SORBS2: variants seen among roughly 807,000 people sequenced by gnomAD.
SORBS2 encodes the protein sorbin and SH3 domain-containing protein 2.
SORBS2 carries 46 observed loss-of-function variants against 97.7 expected under a neutral mutation model. The observed-to-expected ratio is 0.47, with a 90% confidence interval of 0.37 to 0.60. The LOEUF is 0.60. Ranked by LOEUF, SORBS2 falls within the 20% of genes least tolerant of loss-of-function variation. SORBS2 has a pLI of 0.00. For missense variants in SORBS2, 1,316 were observed against 1,282.3 expected (o/e 1.03, Z -0.40); for synonymous variants, 476 against 473.4 (o/e 1.01, Z -0.07).
At chr4:185,665,536 T>C (rs998656704) in intron 4 of SORBS2, among the ~76,000 whole-genome samples, 1 of 152,226 alleles carries the variant, frequency 6.6e-6, no homozygotes, top group African/African-American at 2.4e-5. Context: ...AATTCTAAAA[T>C]GAATGAAGAG....
At chr4:185,782,796 T>C (rs2099037478) in intron 1 of SORBS2, among the ~76,000 whole-genome samples, 1 of 152,180 alleles carries the variant, frequency 6.6e-6, no homozygotes, top group Non-Finnish European at 1.5e-5. Flanking sequence ...GTTTTGTGTG[T>C]CATACACTGT....
At position 185,752,303 on chromosome 4, in the gene SORBS2, T is replaced by C. The variant is rs139578363; in HGVS notation, c.-198+22924A>G. ...ATTTATTTACTTATATGAGACAGAG[T>C]CTCGCTCTGTCGCCCAGGCTGGAGT... On this transcript the variant is annotated intron_variant, in intron 2 of 20. Transcript: ENST00000284776. Among the ~76,000 whole-genome samples the C allele has an allele frequency of 4.7e-3, 716 of 152,228 alleles. 4 individuals are homozygous for C. Among genetic ancestry groups the C allele is most frequent in the African/African-American group, 0.016 (663 of 41,522 alleles).
chr4:185,916,301 A>C (rs987767464), intron 1 of SORBS2, among the ~76,000 whole-genome samples: 1 of 152,212 alleles, frequency 6.6e-6, no homozygotes, highest in African/African-American at 2.4e-5. Flanking sequence ...TTTTCATCTA[A>C]AAACTATTGT....
At chr4:185,605,623 C>T (rs2153390501) in intron 12 of SORBS2, among the ~76,000 whole-genome samples, 1 of 151,292 alleles carries the variant, frequency 6.6e-6, no homozygotes, top group Admixed American at 6.6e-5. Context: ...CTCGCTCTGT[C>T]ACCCAGGCTG....
intron 13 of SORBS2, chr4:185,591,913 A>C (rs2095949798): frequency 6.6e-6 from 1 of 152,194 alleles, no homozygotes; most frequent in Admixed American, 6.5e-5. Flanking sequence ...AGACCACAGA[A>C]ACAAAAACAA....
At chr4:185,760,349 G>T (rs988800651) in intron 2 of SORBS2, among the ~76,000 whole-genome samples, 1 of 152,158 alleles carries the variant, frequency 6.6e-6, no homozygotes. Context: ...ATCACCTGAG[G>T]TCAGAAGTTC....
chr4:185,668,365 A>G (rs1240070576), intron 4 of SORBS2, among the ~76,000 whole-genome samples: 2 of 152,354 alleles, frequency 1.3e-5, no homozygotes, highest in South Asian at 2.1e-4. Flanking sequence ...ACCTCCTGAC[A>G]TGCTCCTGGT....
chr4:185,920,384 C>G (rs2149918030), intron 1 of SORBS2, among the ~76,000 whole-genome samples: 1 of 152,320 alleles, frequency 6.6e-6, no homozygotes, highest in East Asian at 1.9e-4. Context: ...ATATATTACA[C>G]ATCTCCTCTG....
chr4:185,609,381 G>C (rs2096494112), intron 12 of SORBS2, among the ~76,000 whole-genome samples: 1 of 152,154 alleles, frequency 6.6e-6, no homozygotes. Context: ...AGATGAGAAA[G>C]AAAGATCTTG....
intron 1 of SORBS2, among the ~76,000 whole-genome samples, chr4:185,937,872 C>G (rs992872764): frequency 6.6e-6 from 1 of 152,204 alleles, no homozygotes; most frequent in African/African-American, 2.4e-5. Flanking sequence ...AATTACACAT[C>G]TCTTCAGAGT....
At position 185,857,914 on chromosome 4, in the gene SORBS2, C is replaced by G. The variant is rs922597376; in HGVS notation, c.-337-82548G>C. 2.6e-5 allele frequency among the ~76,000 whole-genome samples: 4 copies of G among 152,092 alleles called. No individual in the cohort carries two copies. In the South Asian group the frequency reaches 8.3e-4, roughly 32 times the overall value. The stretch of plus-strand genomic sequence containing the variant: ...AGTGCATGCCCAGCAGGACATGGAC[C>G]CTCATCAGTAATTCTAATTTTGCCC... On this transcript the variant is annotated intron_variant, in intron 1 of 20. Transcript: ENST00000284776.
At chr4:185,671,510 T>C (rs1693349181) in intron 4 of SORBS2, among the ~76,000 whole-genome samples, 1 of 152,200 alleles carries the variant, frequency 6.6e-6, no homozygotes, top group Non-Finnish European at 1.5e-5. Flanking sequence ...AAAACCCATC[T>C]CTTAAAGCCT....
chr4:185,795,906 T>C (rs1188442096), intron 1 of SORBS2, among the ~76,000 whole-genome samples: 1 of 152,192 alleles, frequency 6.6e-6, no homozygotes, highest in Non-Finnish European at 1.5e-5. Context: ...GATTAAACCA[T>C]AGCCTGCTTC....
At chr4:185,846,392 G>A (rs568722077) in intron 1 of SORBS2, among the ~76,000 whole-genome samples, 4 of 152,192 alleles carry the variant, frequency 2.6e-5, no homozygotes, top group Non-Finnish European at 5.9e-5. Context: ...AGGGGCTGGG[G>A]TCAGAAAGAA....
intron 1 of SORBS2, among the ~76,000 whole-genome samples, chr4:185,827,242 A>G (rs2099201000): frequency 9.4e-6 from 1 of 106,566 alleles, no homozygotes; most frequent in East Asian, 2.3e-4. Context: ...CATCACCATC[A>G]CCACCATCAT....
intron 1 of SORBS2, among the ~76,000 whole-genome samples, chr4:185,918,941 A>C (rs992144235): frequency 6.6e-6 from 1 of 152,222 alleles, no homozygotes; most frequent in Admixed American, 6.5e-5. Flanking sequence ...GAATGAGTCC[A>C]CAGATGCAGC....
intron 1 of SORBS2, among the ~76,000 whole-genome samples, chr4:185,842,996 T>C (rs573846317): frequency 9.4e-4 from 141 of 149,984 alleles, no homozygotes; most frequent in African/African-American, 3.4e-3. Flanking sequence ...GGCAATTAGA[T>C]AAATAAGACT....
At chr4:185,835,848 C>A (rs530785387) in intron 1 of SORBS2, among the ~76,000 whole-genome samples, 1 of 152,012 alleles carries the variant, frequency 6.6e-6, no homozygotes, top group South Asian at 2.1e-4. Context: ...AGGCTCAACC[C>A]GGCCTGTTTC....
intron 1 of SORBS2, among the ~76,000 whole-genome samples, chr4:185,910,719 G>A (rs908211028): frequency 6.6e-6 from 1 of 152,020 alleles, no homozygotes; most frequent in Non-Finnish European, 1.5e-5. Flanking sequence ...GAGATGGCAG[G>A]CATGAGCCAG....
Sources: gnomAD v4.1 joint callset for allele counts (sites outside exome capture counted in the v4.1 genomes callset) on GRCh38, gnomAD v4.1.1 for gene constraint, MANE v1.5 for transcripts, NCBI Gene and HGNC (gene_info 2026-07-23, HGNC 2026-07-21) for gene names.